Variants in MCM3AP observed in about 807,000 individuals in gnomAD.
MCM3AP encodes minichromosome maintenance complex component 3 associated protein.
Under a neutral mutation model 184.1 loss-of-function variants are expected in MCM3AP, and 126 were observed. The ratio of observed to expected loss-of-function variants is 0.68; its 90% CI spans 0.59 to 0.79. The LOEUF (loss-of-function observed/expected upper bound fraction) is 0.79, where lower values mean the gene tolerates loss of function less well. Ranked by LOEUF, MCM3AP falls within the 30% of genes least tolerant of loss-of-function variation. The pLI is 0.00. For missense variants in MCM3AP, 2,496 were observed against 2,479.2 expected, an observed-to-expected ratio of 1.01 and a Z score of -0.14; for synonymous variants, 1,002 against 979.3, an observed-to-expected ratio of 1.02 and a Z score of -0.43.
At chr21:46,261,544 C>T (rs771499052) in intron 13 of MCM3AP, 133 bp from the exon 14 acceptor site, 47 of 757,430 alleles carry the variant, frequency 6.2e-5, no homozygotes, top group Non-Finnish European at 9.5e-5. Context: ...ACCATTCTGG[C>T]CAACACAGTG....
chr21:46,271,594 T>A (rs2081180709), intron 8 of MCM3AP, among the ~76,000 whole-genome samples: 1 of 152,000 alleles, frequency 6.6e-6, no homozygotes, highest in Non-Finnish European at 1.5e-5. Flanking sequence ...GCATGGAGAC[T>A]CTAACTGTAA....
At chr21:46,278,164 GAAA>G (rs10581831) in intron 4 of MCM3AP, among the ~76,000 whole-genome samples, 8 of 139,106 alleles carry the variant, frequency 5.8e-5, no homozygotes, top group Non-Finnish European at 7.8e-5. Context: ...ACCACCCCCC[GAAA>G]AAAAAAAAAA....
At chr21:46,279,916 C>G in intron 4 of MCM3AP, 77 bp downstream of exon 4, 14 of 1,457,918 alleles carry the variant, frequency 9.6e-6, no homozygotes, top group Non-Finnish European at 1.3e-5. Flanking sequence ...CAGTCTTGCA[C>G]CCTGACTCAG....
At chr21:46,264,007 T>C (rs918213328) in intron 13 of MCM3AP, 110 bp downstream of exon 13, 10 of 633,478 alleles carry the variant, frequency 1.6e-5, no homozygotes, top group Middle Eastern at 2.6e-4. Flanking sequence ...CAATAACTTA[T>C]TGGATTATGA....
Position 46,243,475 on chromosome 21 carries a change from A to C in MCM3AP, c.5286T>G (p.Pro1762=). Residue 1762 remains proline, a synonymous_variant, in exon 24 of 28, where the codon CCT becomes CCG. Coordinates refer to ENST00000291688, the MANE Select transcript of MCM3AP (RefSeq NM_003906.5). ...KLRDWTPPRL[P]VTSEALSEDG... is the part of the protein sequence containing the mutation. Reference sequence around the variant, plus strand: ...TCAAGCTCTAATTACCTGATGTAACAGGAAGCCGGGGGGGCGTCCAGTCTC... The same window carrying C: ...TCAAGCTCTAATTACCTGATGTAACCGGAAGCCGGGGGGGCGTCCAGTCTC... 6.2e-7 allele frequency: 1 copy of C among 1,608,816 alleles called. No individual in the cohort carries two copies. Among genetic ancestry groups the C allele is most frequent in the East Asian group, 2.2e-5 (1 of 44,830 alleles).
Position 46,246,743 on chromosome 21 carries a change from C to T in MCM3AP, c.4434G>A (p.Ser1478=), listed in dbSNP as rs756022704. 9 of 1,614,206 alleles carry T rather than the reference C, an allele frequency of 5.6e-6. No individual in the cohort carries two copies. Among genetic ancestry groups the T allele is most frequent in the East Asian group, 2.2e-5 (1 of 44,888 alleles). ...GGAGCTGCTTGAGCTGCAGCAAGGC[C>T]GACAGCCAGTACACGTCCTCCTCTG... ...DMAEEDVYWL[S]ALLQLKQLLQ... is the part of the protein sequence containing the mutation. The change falls in exon 21 of 28, where the codon TCG becomes TCA. Residue 1478 remains serine (S), a synonymous_variant. Transcript: ENST00000291688.
At chr21:46,280,263 G>A in intron 3 of MCM3AP, 126 bp from the exon 4 acceptor site, 10 of 1,110,122 alleles carry the variant, frequency 9.0e-6, no homozygotes, top group Non-Finnish European at 1.2e-5. Flanking sequence ...AAGAGCCCAA[G>A]GAAATAACTG....
chr21:46,283,883 A>G (rs200722761), intron 1 of MCM3AP, 45 bp from the exon 2 acceptor site: 14 of 1,576,084 alleles, frequency 8.9e-6, no homozygotes, highest in Non-Finnish European at 1.2e-5. Context: ...GATGTTTCCA[A>G]CAACAGGAGG....
Position 46,244,990 on chromosome 21 carries a change from G to A in MCM3AP, c.4855C>T (p.Leu1619=), listed in dbSNP as rs1356769882. Residue 1619 remains leucine, a synonymous_variant, in exon 23 of 28, where the codon CTG becomes TTG. Coordinates refer to ENST00000291688, the MANE Select transcript of MCM3AP (RefSeq NM_003906.5). The part of the protein sequence containing the change: ...IELFNSVLQF[L]ASVVSSEQLC... ...TGTTCAGAGGACACCACAGAAGCCA[G>A]GAACTGCAGCACACTGTTAAACAGC... 1.2e-6 allele frequency: 2 copies of A among 1,614,116 alleles called. No individual in the cohort carries two copies. The highest frequency in any genetic ancestry group is 1.7e-6 in the Non-Finnish European group (2 of 1,180,042).
intron 13 of MCM3AP, among the ~76,000 whole-genome samples, chr21:46,262,121 T>C (rs1040529633): frequency 1.3e-5 from 2 of 152,106 alleles, no homozygotes; most frequent in African/African-American, 4.8e-5. Context: ...AACTGACTCA[T>C]GAAGAAACAG....
intron 9 of MCM3AP, 63 bp downstream of exon 9, chr21:46,270,338 A>C: frequency 6.7e-7 from 1 of 1,489,146 alleles, no homozygotes; most frequent in Non-Finnish European, 9.1e-7. Flanking sequence ...ATAAGAAAGC[A>C]CCCAAACAGC....
chr21:46,262,171 A>G lies in MCM3AP; in HGVS notation c.3336-760T>C, dbSNP rs375110452. Among the ~76,000 whole-genome samples, 31 of 152,330 alleles carry G rather than the reference A, an allele frequency of 2.0e-4. No homozygotes were observed. In the East Asian group the frequency reaches 4.0e-3, roughly 20 times the overall value. The stretch of plus-strand genomic sequence containing the variant: ...ACCTATAACTAGTAAGGAGACTTCC[A>G]AACAAAGAAAGGTATGAGACCAGAA... On this transcript the variant is annotated intron_variant, in intron 13 of 27. Transcript: ENST00000291688.
At position 46,238,716 on chromosome 21, in the gene MCM3AP, GAAAAAAAAA is replaced by G. The variant is rs1569048274; in HGVS notation, c.5634-1746_5634-1738del. 9.0e-4 allele frequency among the ~76,000 whole-genome samples: 48 copies of G among 53,458 alleles called. 17 individuals are homozygous for G. Among genetic ancestry groups the G allele is most frequent in the Admixed American group, 3.4e-3 (15 of 4,348 alleles). 35.1% of individuals were successfully genotyped at this position (53,458 alleles called of 152,430 possible). A position where few individuals can be genotyped will look rare whatever the true frequency, so the allele number is the denominator to read the frequency against. On this transcript the variant is annotated intron_variant, in intron 26 of 27. Transcript: ENST00000291688. The stretch of plus-strand genomic sequence containing the variant: ...GAGCGAGACTCTATCTAATAAAAAG[GAAAAAAAAA>G]TCTCATCCCAAACCACTTAAATTAT...
At chr21:46,281,969 G>T (rs1309123648) in intron 2 of MCM3AP, among the ~76,000 whole-genome samples, 1 of 152,092 alleles carries the variant, frequency 6.6e-6, no homozygotes, top group Non-Finnish European at 1.5e-5. Flanking sequence ...CTACAATACA[G>T]GCTGGGAGAC....
chr21:46,238,030 G>A (rs2080579148), intron 26 of MCM3AP, among the ~76,000 whole-genome samples: 1 of 109,150 alleles, frequency 9.2e-6, no homozygotes, highest in Non-Finnish European at 1.9e-5. Context: ...AACCCGGGAG[G>A]CGGAGGTTGC....
intron 20 of MCM3AP, 46 bp downstream of exon 20, chr21:46,251,483 A>G (rs775954823): frequency 5.3e-6 from 8 of 1,506,138 alleles, no homozygotes; most frequent in African/African-American, 1.4e-5. Context: ...GGAGTAAGTG[A>G]AAGTAATGAA....
chr21:46,256,010 C>T (rs1246786179), intron 17 of MCM3AP, among the ~76,000 whole-genome samples: 1 of 152,192 alleles, frequency 6.6e-6, no homozygotes, highest in African/African-American at 2.4e-5. Context: ...ATGAAACCCA[C>T]AAGACAGTTT....
Position 46,246,686 on chromosome 21 carries a change from AGG to A in MCM3AP, c.4489_4490del (p.Pro1497SerfsTer7). ...LQAKPFQPAL[P>X]LVVLVPSPGG... ...CTGGGCTAGGCACAAGAACCACCAG[AGG>A]AAGCGCAGGCTGGAAGGGCTTAGCC... On this transcript the variant is annotated frameshift_variant, in exon 21 of 28. Transcript: ENST00000291688. LOFTEE classifies it high-confidence loss of function. 1 of 1,614,212 alleles carries A rather than the reference AGG, an allele frequency of 6.2e-7. No individual in the cohort carries two copies. The highest frequency in any genetic ancestry group is 8.5e-7 in the Non-Finnish European group (1 of 1,180,018).
chr21:46,246,947 T>G (rs1388313568), intron 20 of MCM3AP, 61 bp from the exon 21 acceptor site: 1 of 1,569,482 alleles, frequency 6.4e-7, no homozygotes, highest in African/African-American at 1.3e-5. Flanking sequence ...CAGTGACTGA[T>G]CTGCCCCAGA....
Sources: allele counts gnomAD v4.1 joint callset (sites outside exome capture counted in the v4.1 genomes callset), GRCh38; gene constraint gnomAD v4.1.1; transcripts MANE v1.5; gene names NCBI Gene and HGNC (gene_info 2026-07-23, HGNC 2026-07-21).